Variants in CD163L1 observed in about 807,000 individuals in gnomAD.
CD163L1 encodes CD163 molecule like 1.
A neutral mutation model predicts 165.4 loss-of-function variants in CD163L1; 124 were observed. The ratio of observed to expected loss-of-function variants is 0.75; its 90% CI spans 0.65 to 0.87. CD163L1 has a LOEUF of 0.87. Among genes scored for constraint, CD163L1 ranks in the 40% least tolerant of loss-of-function variants. The probability of loss-of-function intolerance (pLI) is 0.00; values close to 1 mark genes in which losing one functional copy is unlikely to be tolerated. For missense variants in CD163L1, 1,525 were observed against 1,799.9 expected, an observed-to-expected ratio of 0.85 and a Z score of 2.76; for synonymous variants, 585 against 662.2, an observed-to-expected ratio of 0.88 and a Z score of 1.79.
At position 7,421,468 on chromosome 12, in the gene CD163L1, T is replaced by TAC. The variant is rs1413418636; in HGVS notation, c.766+10947_766+10948insGT. On this transcript the variant is annotated intron_variant, in intron 4 of 19. Coordinates refer to ENST00000313599, the MANE Select transcript of CD163L1 (RefSeq NM_174941.6). ...ATACATATATGTACATATATACATA[T>TAC]ATATACATATATGTACATATATACA... Among the ~76,000 whole-genome samples, 589 of 93,422 alleles carry TAC rather than the reference T, an allele frequency of 6.3e-3. 70 individuals carry two copies. Among genetic ancestry groups the TAC allele is most frequent in the African/African-American group, 0.035 (541 of 15,356 alleles). 61.3% of individuals were successfully genotyped at this position (93,422 alleles called of 152,430 possible).
In CD163L1 at chr12:7,400,973, A is replaced by G. The variant is rs1311710242; in HGVS notation, c.1409-2389T>C. Among the ~76,000 whole-genome samples, 1 of 152,156 alleles carries G rather than the reference A, an allele frequency of 6.6e-6. No homozygotes were observed. The highest frequency in any genetic ancestry group is 2.4e-5 in the African/African-American group (1 of 41,450). ...CAGAAAAATGGCCAAAGAAGCAGAA[A>G]TGCTAACACATAAACAAATACAAAT... On this transcript the variant is annotated intron_variant, in intron 6 of 19. Coordinates refer to ENST00000313599, the MANE Select transcript of CD163L1 (RefSeq NM_174941.6). The surrounding 1 kb of genome is among the most constrained non-coding windows in gnomAD (Gnocchi z 4.1).
chr12:7,338,361 T>C, the CD163L1 span, among the ~76,000 whole-genome samples: 2 of 152,170 alleles, frequency 1.3e-5, no homozygotes, highest in Non-Finnish European at 1.5e-5. Flanking sequence ...TCCCTTCATG[T>C]TGACACATGT....
chr12:7,363,684 A>T (rs926834204), intron 18 of CD163L1, among the ~76,000 whole-genome samples: 1 of 151,680 alleles, frequency 6.6e-6, no homozygotes, highest in Non-Finnish European at 1.5e-5. Flanking sequence ...GAAGAAACTG[A>T]TATATTTCTA....
chr12:7,320,114 T>C, the CD163L1 span, among the ~76,000 whole-genome samples: 2 of 152,190 alleles, frequency 1.3e-5, no homozygotes, highest in African/African-American at 4.8e-5. Context: ...TTAAGGGACA[T>C]AGTGGAACTT....
chr12:7,333,396 T>C, the CD163L1 span, among the ~76,000 whole-genome samples: 1 of 152,080 alleles, frequency 6.6e-6, no homozygotes, highest in African/African-American at 2.4e-5. Context: ...GACTACTGGG[T>C]ACATAACGAA....
chr12:7,439,138 GC>G (rs1432263766), intron 2 of CD163L1: 1 of 1,574,266 alleles, frequency 6.4e-7, no homozygotes, highest in African/African-American at 1.4e-5. Flanking sequence ...TCTCTTCTCT[GC>G]TGTCGGAATG....
intron 8 of CD163L1, among the ~76,000 whole-genome samples, chr12:7,386,284 T>G (rs1473034600): frequency 1.3e-5 from 2 of 152,060 alleles, no homozygotes; most frequent in South Asian, 2.1e-4. Context: ...ATAGGAATCC[T>G]GAACAGATCA....
At chr12:7,377,099 C>G (rs1947285793) in intron 9 of CD163L1, among the ~76,000 whole-genome samples, 1 of 152,162 alleles carries the variant, frequency 6.6e-6, no homozygotes, top group Non-Finnish European at 1.5e-5. Context: ...TGCTCTTCAG[C>G]TGCATTGGAT....
the CD163L1 span, chr12:7,323,188 G>A: frequency 2.6e-6 from 4 of 1,509,928 alleles, no homozygotes; most frequent in Admixed American, 8.1e-5. Flanking sequence ...TATAGTTTCA[G>A]AATATAAACT....
At chr12:7,323,699 C>A in the CD163L1 span, 1 of 733,434 alleles carries the variant, frequency 1.4e-6, no homozygotes, top group Non-Finnish European at 2.2e-6. Context: ...CATCTGTCAC[C>A]CAAGAGTACT....
In CD163L1 at chr12:7,363,451, T is replaced by C. The variant is rs746324518; in HGVS notation, c.4279+3785A>G. On this transcript the variant is annotated intron_variant, in intron 18 of 19. Transcript: ENST00000313599. Reference sequence around the variant, plus strand: ...ATAATAATCAGAGAAATAAATTAAATTGAGACTTAAAATCTACAAAGGAGC... The same window carrying C: ...ATAATAATCAGAGAAATAAATTAAACTGAGACTTAAAATCTACAAAGGAGC... 2.0e-5 allele frequency among the ~76,000 whole-genome samples: 3 copies of C among 151,998 alleles called. No individual in the cohort carries two copies. The South Asian group carries it at 6.2e-4, about 32-fold the overall frequency.
At position 7,375,299 on chromosome 12, in the gene CD163L1, C is replaced by T. The variant is rs773354445; in HGVS notation, c.2983G>A (p.Val995Ile). The T allele has an allele frequency of 1.9e-6, 3 of 1,614,024 alleles. No individual in the cohort carries two copies. The highest frequency in any genetic ancestry group is 2.5e-6 in the Non-Finnish European group (3 of 1,179,966). ...GAPPCIHGNT[V>I]SVICTGSLTQ... ...CTCTTACCTGTGCAGATCACAGAGA[C>T]AGTATTTCCATGGATACAGGGAGGT... Residue 995 changes from valine to isoleucine, a missense_variant, in exon 11 of 20, where the codon GTC becomes ATC. Coordinates refer to ENST00000313599, the MANE Select transcript of CD163L1 (RefSeq NM_174941.6).
At chr12:7,370,764 T>G (rs1947128950) in intron 14 of CD163L1, among the ~76,000 whole-genome samples, 1 of 152,204 alleles carries the variant, frequency 6.6e-6, no homozygotes, top group African/African-American at 2.4e-5. Flanking sequence ...TCTCGTCATT[T>G]TTGTAAATCT....
chr12:7,319,977 A>G, the CD163L1 span, among the ~76,000 whole-genome samples: 1 of 152,360 alleles, frequency 6.6e-6, no homozygotes, highest in East Asian at 1.9e-4. Context: ...CGGAGCAGAT[A>G]CACATGGTAG....
intron 4 of CD163L1, among the ~76,000 whole-genome samples, chr12:7,414,311 A>T (rs1948195650): frequency 6.6e-6 from 1 of 152,176 alleles, no homozygotes; most frequent in Admixed American, 6.5e-5. Context: ...GAGTAAAAAA[A>T]ATACAATGAC....
At chr12:7,370,369 A>C (rs547843359) in intron 14 of CD163L1, among the ~76,000 whole-genome samples, 2 of 152,108 alleles carry the variant, frequency 1.3e-5, no homozygotes, top group Non-Finnish European at 2.9e-5. Context: ...TGATCTTATC[A>C]TTTTTATGTT....
intron 2 of CD163L1, among the ~76,000 whole-genome samples, chr12:7,436,977 A>G (rs1404797666): frequency 6.6e-6 from 1 of 151,134 alleles, no homozygotes; most frequent in Non-Finnish European, 1.5e-5. Flanking sequence ...TAAAATAAAA[A>G]TGTTAAAGAA....
chr12:7,410,635 T>A (rs1361747328), intron 4 of CD163L1, among the ~76,000 whole-genome samples: 1 of 130,950 alleles, frequency 7.6e-6, no homozygotes, highest in Non-Finnish European at 1.6e-5. Flanking sequence ...GACGAGACCA[T>A]CCTGGCTAAT....
At chr12:7,327,100 G>C in the CD163L1 span, 1 of 1,594,956 alleles carries the variant, frequency 6.3e-7, no homozygotes, top group Non-Finnish European at 8.5e-7. Flanking sequence ...AGAAAGGCAA[G>C]TGCTTTGCCC....
Sources: gnomAD v4.1 joint callset for allele counts (sites outside exome capture counted in the v4.1 genomes callset) on GRCh38, gnomAD v4.1.1 for gene constraint, Gnocchi (gnomAD v3.1) non-coding constraint, MANE v1.5 for transcripts, NCBI Gene and HGNC (gene_info 2026-07-23, HGNC 2026-07-21) for gene names.